TULP4: variants seen among roughly 807,000 people sequenced by gnomAD.
TULP4 encodes the protein tubby-related protein 4.
In TULP4, 16 loss-of-function variants were observed where a neutral mutation model predicts 129.0. The ratio of observed to expected loss-of-function variants is 0.12; its 90% CI spans 0.08 to 0.19. TULP4 has a LOEUF of 0.19. TULP4 is among the 10% of genes least tolerant of loss of function. TULP4 has a pLI of 1.00. For synonymous variants in TULP4, 998 were observed against 854.0 expected, an observed-to-expected ratio of 1.17 and a Z score of -2.94; for missense variants, 1,842 against 2,059.1, an observed-to-expected ratio of 0.89 and a Z score of 2.04.
intron 6 of TULP4, among the ~76,000 whole-genome samples, chr6:158,467,710 T>C (rs1189834320): frequency 6.6e-6 from 1 of 152,208 alleles, no homozygotes; most frequent in African/African-American, 2.4e-5. Context: ...AAGATCACCA[T>C]AATCTGGCCC....
intron 1 of TULP4, among the ~76,000 whole-genome samples, chr6:158,390,215 T>A (rs1382075391): frequency 6.6e-6 from 1 of 152,206 alleles, no homozygotes; most frequent in African/African-American, 2.4e-5. Flanking sequence ...TATGAACTAT[T>A]TTGCACATAT....
intron 3 of TULP4, among the ~76,000 whole-genome samples, chr6:158,441,034 A>G (rs1013673142): frequency 6.6e-6 from 1 of 152,210 alleles, no homozygotes; most frequent in Non-Finnish European, 1.5e-5. Context: ...TGCCTTGAAT[A>G]AGCAAGGCGC....
chr6:158,277,252 A>G (rs1243639945), intron 1 of TULP4, among the ~76,000 whole-genome samples: 1 of 152,086 alleles, frequency 6.6e-6, no homozygotes, highest in Non-Finnish European at 1.5e-5. Context: ...TACAGCATCT[A>G]TTTATGCTAG....
chr6:158,324,159 G>T (rs1362857840), intron 1 of TULP4, among the ~76,000 whole-genome samples: 4 of 152,202 alleles, frequency 2.6e-5, no homozygotes, highest in African/African-American at 7.2e-5. Context: ...GCTTTATCAC[G>T]AAGGATTTCC....
At chr6:158,501,045 C>T (rs997709059) in intron 12 of TULP4, among the ~76,000 whole-genome samples, 5 of 151,658 alleles carry the variant, frequency 3.3e-5, no homozygotes, top group Non-Finnish European at 5.9e-5. Flanking sequence ...TGCTACTGCA[C>T]GCCTGGGCAA....
chr6:158,318,436 T>C lies in TULP4; in HGVS notation c.252+4168T>C, dbSNP rs568801516. Among the ~76,000 whole-genome samples, 147 of 152,334 alleles carry C rather than the reference T, an allele frequency of 9.6e-4. 1 individual carries two copies. The highest frequency in any genetic ancestry group is 3.3e-3 in the African/African-American group (137 of 41,578). On this transcript the variant is annotated intron_variant, in intron 1 of 13. Transcript: ENST00000367097. ...GAAAATCCCAGGCAAACTGAGTTGG[T>C]CATCCTACTGCCCAGTGCCTGACGT... is the stretch of plus-strand genomic sequence containing the variant.
chr6:158,366,985 C>T (rs557174573), intron 1 of TULP4, among the ~76,000 whole-genome samples: 1 of 152,312 alleles, frequency 6.6e-6, no homozygotes, highest in East Asian at 1.9e-4. Context: ...ATTGTGGCCT[C>T]TGCAGAAGCT....
At chr6:158,326,781 A>G (rs981200865) in intron 1 of TULP4, among the ~76,000 whole-genome samples, 1 of 152,172 alleles carries the variant, frequency 6.6e-6, no homozygotes, top group African/African-American at 2.4e-5. Context: ...TAATGCCATG[A>G]CTTTAAATAT....
intron 2 of TULP4, among the ~76,000 whole-genome samples, chr6:158,423,413 T>C (rs1468940348): frequency 2.6e-5 from 4 of 152,200 alleles, no homozygotes; most frequent in Non-Finnish European, 4.4e-5. Context: ...GTAGAGCATA[T>C]TTCAAGATTG....
intron 1 of TULP4, among the ~76,000 whole-genome samples, chr6:158,285,571 T>G (rs1778821132): frequency 6.6e-6 from 1 of 152,210 alleles, no homozygotes; most frequent in African/African-American, 2.4e-5. Context: ...TGAGTACTGT[T>G]CACCACCCTG....
At chr6:158,320,203 C>A (rs1162364674) in intron 1 of TULP4, among the ~76,000 whole-genome samples, 1 of 152,080 alleles carries the variant, frequency 6.6e-6, no homozygotes, top group East Asian at 1.9e-4. Context: ...AATTATTTGT[C>A]CTTTTACTGT....
intron 1 of TULP4, among the ~76,000 whole-genome samples, chr6:158,240,351 C>G (rs1225855962): frequency 1.3e-5 from 1 of 79,178 alleles, no homozygotes; most frequent in Non-Finnish European, 2.8e-5. Context: ...GGGGCTGACT[C>G]CCCCACCTCC....
At position 158,450,739 on chromosome 6, in the gene TULP4, C is replaced by G. The variant is rs1254153947; in HGVS notation, c.725-1395C>G. ...GGGTCAAATCTAGATTTACTTGCCCCCATTTTATTATTGAAAAAAAAAAAA... is the reference window on the plus strand; with the variant it reads ...GGGTCAAATCTAGATTTACTTGCCCGCATTTTATTATTGAAAAAAAAAAAA... On this transcript the variant is annotated intron_variant, in intron 4 of 13. Transcript: ENST00000367097. Among the ~76,000 whole-genome samples, 3 of 133,422 alleles carry G rather than the reference C, an allele frequency of 2.2e-5. No homozygotes were observed. In the East Asian group the frequency reaches 6.1e-4, roughly 27 times the overall value. 87.5% of individuals were successfully genotyped at this position (133,422 alleles called of 152,430 possible).
intron 1 of TULP4, among the ~76,000 whole-genome samples, chr6:158,261,839 A>C (rs966439180): frequency 6.6e-6 from 1 of 152,030 alleles, no homozygotes; most frequent in Admixed American, 6.6e-5. Flanking sequence ...TGGCTGCTGG[A>C]GCTCAATAAT....
intron 12 of TULP4, among the ~76,000 whole-genome samples, chr6:158,500,681 G>T (rs181200122): frequency 6.6e-6 from 1 of 152,174 alleles, no homozygotes; most frequent in African/African-American, 2.4e-5. Flanking sequence ...ATGCACGCAC[G>T]CTCTGTTAAA....
chr6:158,365,327 T>G (rs1780907612), intron 1 of TULP4, among the ~76,000 whole-genome samples: 1 of 152,076 alleles, frequency 6.6e-6, no homozygotes, highest in Non-Finnish European at 1.5e-5. Flanking sequence ...CCCCATCTAC[T>G]GACCATATAT....
rs140518412 is a variant in TULP4, at chr6:158,440,060, T to G, written c.544-8936T>G. 5.3e-4 allele frequency among the ~76,000 whole-genome samples: 80 copies of G among 151,674 alleles called. 1 individual carries two copies. The highest frequency in any genetic ancestry group is 1.8e-3 in the African/African-American group (74 of 41,396). On this transcript the variant is annotated intron_variant, in intron 3 of 13. Coordinates refer to ENST00000367097, the MANE Select transcript of TULP4 (RefSeq NM_020245.5). The stretch of plus-strand genomic sequence containing the variant: ...AATAAATCTGACCTGGCGCGGTGGC[T>G]CACACCTCTAATTCCAGCACTTTGG...
rs1428340021 is a variant in TULP4, at chr6:158,312,526, T to C, written c.-1491T>C. 1.2e-5 allele frequency: 2 copies of C among 164,244 alleles called. No homozygotes were observed. Among genetic ancestry groups the C allele is most frequent in the Non-Finnish European group, 2.6e-5 (2 of 76,358 alleles). 10.2% of individuals were successfully genotyped at this position (164,244 alleles called of 1,614,324 possible). A position where few individuals can be genotyped will look rare whatever the true frequency, so the allele number is the denominator to read the frequency against. On this transcript the variant is annotated 5_prime_UTR_variant, in exon 1 of 14. Transcript: ENST00000367097. ...TTATTTTTCAGTGGGTTTGGTGATTTGGACGGATTAAAATTCTAGACTGAA... is the reference window on the plus strand; with the variant it reads ...TTATTTTTCAGTGGGTTTGGTGATTCGGACGGATTAAAATTCTAGACTGAA...
chr6:158,387,220 G>A (rs1777468354), intron 1 of TULP4, among the ~76,000 whole-genome samples: 1 of 152,088 alleles, frequency 6.6e-6, no homozygotes, highest in Non-Finnish European at 1.5e-5. Flanking sequence ...TTGTATTAAT[G>A]TCAAAGTGCA....
Sources: gnomAD v4.1 joint callset for allele counts (sites outside exome capture counted in the v4.1 genomes callset) on GRCh38, gnomAD v4.1.1 for gene constraint, MANE v1.5 for transcripts, NCBI Gene and HGNC (gene_info 2026-07-23, HGNC 2026-07-21) for gene names.